UBE2E2: variants seen among roughly 807,000 people sequenced by gnomAD.
The protein encoded by UBE2E2 is ubiquitin-conjugating enzyme E2 E2.
UBE2E2 carries 6 observed loss-of-function variants against 24.7 expected under a neutral mutation model. The observed-to-expected ratio is 0.24, with a 90% confidence interval of 0.13 to 0.48. UBE2E2 has a LOEUF of 0.48. Among genes scored for constraint, UBE2E2 ranks in the 20% least tolerant of loss-of-function variants. The probability of loss-of-function intolerance (pLI) is 0.99; values close to 1 mark genes in which losing one functional copy is unlikely to be tolerated. For missense variants in UBE2E2, 169 were observed against 245.0 expected (o/e 0.69, Z 2.07); for synonymous variants, 104 against 83.6 (o/e 1.24, Z -1.33).
At chr3:23,562,005 G>C (rs1251468323) in intron 5 of UBE2E2, among the ~76,000 whole-genome samples, 3 of 152,234 alleles carry the variant, frequency 2.0e-5, no homozygotes, top group East Asian at 1.9e-4. Context: ...ACAATCATGT[G>C]ACCTGCAAAC....
intron 3 of UBE2E2, among the ~76,000 whole-genome samples, chr3:23,411,035 AATG>A: frequency 1.3e-5 from 2 of 152,290 alleles, no homozygotes; most frequent in Middle Eastern, 3.4e-3. Context: ...AAAAAAAGAG[AATG>A]ATAACTGCAG....
chr3:23,241,338 C>A lies in UBE2E2; in HGVS notation c.227+24026C>A, dbSNP rs535339509. Reference sequence around the variant, plus strand: ...TCCCAACAGGTCTCCCTTCTTCCATCCTTCCTTCTATATAGTCTATTCTTA... The same window carrying A: ...TCCCAACAGGTCTCCCTTCTTCCATACTTCCTTCTATATAGTCTATTCTTA... On this transcript the variant is annotated intron_variant, in intron 3 of 5. Coordinates refer to ENST00000396703, the MANE Select transcript of UBE2E2 (RefSeq NM_152653.4). 5.3e-5 allele frequency among the ~76,000 whole-genome samples: 8 copies of A among 152,274 alleles called. No homozygotes were observed. In the South Asian group the frequency reaches 1.7e-3, roughly 32 times the overall value.
At chr3:23,542,078 GA>G (rs1331675583) in intron 5 of UBE2E2, among the ~76,000 whole-genome samples, 1 of 152,200 alleles carries the variant, frequency 6.6e-6, no homozygotes, top group Non-Finnish European at 1.5e-5. Flanking sequence ...AAAAACTCTA[GA>G]AAAGAGTTCA....
chr3:23,535,716 G>A (rs570087229), intron 5 of UBE2E2, among the ~76,000 whole-genome samples: 5 of 138,298 alleles, frequency 3.6e-5, no homozygotes, highest in South Asian at 4.8e-4. Flanking sequence ...CTCTCCTCCC[G>A]GGTTCAAGCG....
intron 3 of UBE2E2, among the ~76,000 whole-genome samples, chr3:23,223,594 A>G (rs946375959): frequency 3.0e-4 from 45 of 152,232 alleles, no homozygotes; most frequent in African/African-American, 1.1e-3. Context: ...TCAGATAGAT[A>G]GTTTGCAAAT....
chr3:23,223,024 CCT>C (rs766130250), intron 3 of UBE2E2, among the ~76,000 whole-genome samples: 4,318 of 101,744 alleles, frequency 0.042, 122 homozygotes, highest in Admixed American at 0.069. Flanking sequence ...GCCCCCCCCC[CCT>C]TTTTTTTTTT....
At chr3:23,568,593 A>T (rs1020920028) in intron 5 of UBE2E2, among the ~76,000 whole-genome samples, 2 of 86,664 alleles carry the variant, frequency 2.3e-5, no homozygotes, top group Non-Finnish European at 4.4e-5. Flanking sequence ...AATTATATAC[A>T]TATATATGTA....
chr3:23,231,023 C>T (rs1696962041), intron 3 of UBE2E2, among the ~76,000 whole-genome samples: 1 of 152,076 alleles, frequency 6.6e-6, no homozygotes, highest in South Asian at 2.1e-4. Context: ...TGGGAGACAT[C>T]AGTACATAAT....
chr3:23,261,193 G>C (rs1314743383), intron 3 of UBE2E2, among the ~76,000 whole-genome samples: 4 of 150,148 alleles, frequency 2.7e-5, no homozygotes, highest in Admixed American at 2.6e-4. Context: ...TTTTTTTAAA[G>C]CTTAGGAATT....
Position 23,525,435 on chromosome 3 carries a change from C to T in UBE2E2, c.361-7119C>T, listed in dbSNP as rs147926719. Among the ~76,000 whole-genome samples, 928 of 152,202 alleles carry T rather than the reference C, an allele frequency of 6.1e-3. 12 individuals are homozygous for T. The highest frequency in any genetic ancestry group is 0.021 in the African/African-American group (860 of 41,520). ...TATCCAGGGCCATCTGGGAATTAGC[C>T]ATTCTAAATAAATGTTTTCTATATC... On this transcript the variant is annotated intron_variant, in intron 4 of 5. Transcript: ENST00000396703.
chr3:23,425,643 AG>A (rs1250470140), intron 3 of UBE2E2, among the ~76,000 whole-genome samples: 1 of 152,158 alleles, frequency 6.6e-6, no homozygotes, highest in East Asian at 1.9e-4. Context: ...GCATCACAGT[AG>A]GAAAACCTGA....
intron 3 of UBE2E2, among the ~76,000 whole-genome samples, chr3:23,422,328 T>A (rs1697822243): frequency 6.6e-6 from 1 of 151,926 alleles, no homozygotes; most frequent in Non-Finnish European, 1.5e-5. Flanking sequence ...GAGACAACAC[T>A]TGAATGGTAG....
chr3:23,495,506 G>A (rs1699581325), intron 3 of UBE2E2, among the ~76,000 whole-genome samples: 1 of 152,170 alleles, frequency 6.6e-6, no homozygotes, highest in African/African-American at 2.4e-5. Context: ...GTTTGTGTAT[G>A]TTATTTCATA....
At chr3:23,296,421 C>T (rs1438866542) in intron 3 of UBE2E2, among the ~76,000 whole-genome samples, 3 of 152,008 alleles carry the variant, frequency 2.0e-5, no homozygotes, top group Non-Finnish European at 4.4e-5. Context: ...CCCATTAACT[C>T]GTCATTTACC....
chr3:23,410,361 T>A (rs1194938887), intron 3 of UBE2E2, among the ~76,000 whole-genome samples: 1 of 152,164 alleles, frequency 6.6e-6, no homozygotes, highest in East Asian at 1.9e-4. Context: ...TCTTTTAAAT[T>A]TTTCATTGCT....
At chr3:23,306,370 G>C (rs915862442) in intron 3 of UBE2E2, among the ~76,000 whole-genome samples, 1 of 152,146 alleles carries the variant, frequency 6.6e-6, no homozygotes, top group African/African-American at 2.4e-5. Flanking sequence ...CTCTCTAACA[G>C]TAGTTTAGTT....
intron 3 of UBE2E2, among the ~76,000 whole-genome samples, chr3:23,436,934 T>C (rs191441864): frequency 6.6e-5 from 10 of 152,288 alleles, no homozygotes; most frequent in Admixed American, 5.2e-4. Flanking sequence ...ACAAGACATT[T>C]AAAAAATAAT....
intron 3 of UBE2E2, among the ~76,000 whole-genome samples, chr3:23,482,308 G>GA (rs1379897661): frequency 6.6e-6 from 1 of 152,124 alleles, no homozygotes; most frequent in African/African-American, 2.4e-5. Context: ...TTTATCAAGG[G>GA]AAGTAGAGTT....
chr3:23,290,927 T>C (rs992602881), intron 3 of UBE2E2, among the ~76,000 whole-genome samples: 1 of 142,716 alleles, frequency 7.0e-6, no homozygotes, highest in Non-Finnish European at 1.5e-5. Flanking sequence ...CCGGGCATGG[T>C]GGCATGTACC....
Sources: gnomAD v4.1 joint callset for allele counts (sites outside exome capture counted in the v4.1 genomes callset) on GRCh38, gnomAD v4.1.1 for gene constraint, MANE v1.5 for transcripts, NCBI Gene and HGNC (gene_info 2026-07-23, HGNC 2026-07-21) for gene names.